Variants in DLG2 observed in about 807,000 individuals in gnomAD.
DLG2 encodes the protein discs large MAGUK scaffold protein 2.
In DLG2, 45 loss-of-function variants were observed where a neutral mutation model predicts 132.5. That is an observed-to-expected ratio of 0.34 (90% CI 0.27 to 0.44). The LOEUF (loss-of-function observed/expected upper bound fraction) is 0.44, where lower values mean the gene tolerates loss of function less well. DLG2 is among the 20% of genes least tolerant of loss of function. The pLI, the probability that DLG2 is intolerant of heterozygous loss-of-function variation, is 1.00. For missense variants in DLG2, 1,045 were observed against 1,196.9 expected, an observed-to-expected ratio of 0.87 and a Z score of 1.87; for synonymous variants, 424 against 419.6, an observed-to-expected ratio of 1.01 and a Z score of -0.13.
intron 3 of DLG2, among the ~76,000 whole-genome samples, chr11:85,431,564 C>G (rs984804099): frequency 1.3e-5 from 2 of 152,242 alleles, no homozygotes; most frequent in African/African-American, 4.8e-5. Flanking sequence ...CTGCTGCCTG[C>G]TGGCTAAGCC....
chr11:83,802,397 C>G (rs763677464), intron 17 of DLG2, among the ~76,000 whole-genome samples: 17 of 152,208 alleles, frequency 1.1e-4, no homozygotes, highest in South Asian at 4.2e-4. Context: ...GCTAGGCTGA[C>G]AGATTCCCTT....
At chr11:84,899,434 A>C (rs1214344278) in intron 6 of DLG2, among the ~76,000 whole-genome samples, 1 of 152,040 alleles carries the variant, frequency 6.6e-6, no homozygotes, top group Non-Finnish European at 1.5e-5. Flanking sequence ...AAATGTTGGT[A>C]ATCTCACTTG....
chr11:85,266,124 G>T (rs567546613), intron 4 of DLG2, among the ~76,000 whole-genome samples: 143 of 152,344 alleles, frequency 9.4e-4, no homozygotes, highest in Admixed American at 5.6e-3. Flanking sequence ...GTAGCTAAGA[G>T]ATCATTGTAG....
At chr11:84,319,460 A>C (rs2098390859) in intron 7 of DLG2, among the ~76,000 whole-genome samples, 1 of 152,208 alleles carries the variant, frequency 6.6e-6, no homozygotes, top group African/African-American at 2.4e-5. Context: ...ATCATTGCAC[A>C]AGGGCCCATT....
At chr11:85,419,297 T>C (rs2090111553) in intron 3 of DLG2, among the ~76,000 whole-genome samples, 1 of 152,216 alleles carries the variant, frequency 6.6e-6, no homozygotes, top group Non-Finnish European at 1.5e-5. Context: ...GATCTGATGT[T>C]AGTCTGATGA....
intron 6 of DLG2, among the ~76,000 whole-genome samples, chr11:84,746,695 T>G (rs1290212038): frequency 6.6e-6 from 1 of 152,238 alleles, no homozygotes; most frequent in Non-Finnish European, 1.5e-5. Context: ...TTTGATGTTT[T>G]GGTTGCAAGA....
At chr11:83,804,023 C>T (rs1026852624) in intron 17 of DLG2, among the ~76,000 whole-genome samples, 7 of 152,110 alleles carry the variant, frequency 4.6e-5, no homozygotes, top group Non-Finnish European at 7.4e-5. Context: ...CCCATAATTA[C>T]ATCTTAGTAT....
intron 7 of DLG2, among the ~76,000 whole-genome samples, chr11:84,375,188 T>G (rs989369917): frequency 6.6e-6 from 1 of 152,180 alleles, no homozygotes; most frequent in South Asian, 2.1e-4. Context: ...ATTAACTGAT[T>G]ATGTGAATAA....
chr11:84,332,395 A>G (rs769026799), intron 7 of DLG2, among the ~76,000 whole-genome samples: 2 of 151,196 alleles, frequency 1.3e-5, no homozygotes, highest in Non-Finnish European at 2.9e-5. Context: ...TACTTTTAGT[A>G]GAGACGGGGT....
At chr11:84,381,306 G>T (rs935224076) in intron 7 of DLG2, among the ~76,000 whole-genome samples, 2 of 140,464 alleles carry the variant, frequency 1.4e-5, no homozygotes, top group Admixed American at 6.7e-5. Context: ...TAACCAAGAG[G>T]TGAAAAATTT....
At chr11:84,734,717 G>T (rs2063600573) in intron 6 of DLG2, among the ~76,000 whole-genome samples, 1 of 152,138 alleles carries the variant, frequency 6.6e-6, no homozygotes, top group Non-Finnish European at 1.5e-5. Flanking sequence ...TCTTGTGCCA[G>T]TTTTCAAAGG....
intron 11 of DLG2, among the ~76,000 whole-genome samples, chr11:83,994,278 G>T (rs975835373): frequency 6.6e-6 from 1 of 152,176 alleles, no homozygotes; most frequent in Non-Finnish European, 1.5e-5. Context: ...CAAATATGTT[G>T]TAGGAATATC....
chr11:84,924,024 T>C (rs778272738), intron 6 of DLG2, among the ~76,000 whole-genome samples: 1 of 151,784 alleles, frequency 6.6e-6, no homozygotes, highest in Non-Finnish European at 1.5e-5. Context: ...CTGCTGAATG[T>C]AAAATGTTCA....
intron 6 of DLG2, among the ~76,000 whole-genome samples, chr11:84,551,250 T>A (rs1322263307): frequency 2.0e-5 from 3 of 152,242 alleles, no homozygotes; most frequent in Admixed American, 6.5e-5. Context: ...GGTTTAAATA[T>A]TCTCCAAATA....
intron 7 of DLG2, among the ~76,000 whole-genome samples, chr11:84,524,846 ATTTC>A (rs1201206327): frequency 3.4e-5 from 5 of 147,292 alleles, no homozygotes; most frequent in South Asian, 2.2e-4. Context: ...CTCATAGGGT[ATTTC>A]TTTTTTTTTT....
At chr11:83,843,026 AC>A (rs1170173330) in intron 16 of DLG2, among the ~76,000 whole-genome samples, 9 of 152,182 alleles carry the variant, frequency 5.9e-5, no homozygotes, top group Admixed American at 5.9e-4. Context: ...AACATATCTT[AC>A]CATGTTTCTC....
intron 3 of DLG2, among the ~76,000 whole-genome samples, chr11:85,597,430 A>G (rs1438199486): frequency 6.6e-6 from 1 of 152,042 alleles, no homozygotes; most frequent in Non-Finnish European, 1.5e-5. Flanking sequence ...TTTGCTGAAT[A>G]TAAGGTTTAT....
chr11:84,289,634 TAC>T (rs2097958543), intron 7 of DLG2, among the ~76,000 whole-genome samples: 1 of 152,136 alleles, frequency 6.6e-6, no homozygotes, highest in African/African-American at 2.4e-5. Context: ...CCTTTAAAGC[TAC>T]AGTCTAACCT....
In DLG2 at chr11:84,520,069, C is replaced by T. The variant is rs558185003; in HGVS notation, c.519+14501G>A. On this transcript the variant is annotated intron_variant, in intron 7 of 27. Coordinates refer to ENST00000376104, the MANE Select transcript of DLG2 (RefSeq NM_001142699.3). ...ACAATATCTCATTGAAGATTTTCTACCTTTTGCTTGAATACCTCCAATGAC... is the reference window on the plus strand; with the variant it reads ...ACAATATCTCATTGAAGATTTTCTATCTTTTGCTTGAATACCTCCAATGAC... Among the ~76,000 whole-genome samples the T allele has an allele frequency of 8.1e-4, 123 of 152,250 alleles. 1 individual carries two copies. Among genetic ancestry groups the T allele is most frequent in the African/African-American group, 2.7e-3 (111 of 41,548 alleles).
Sources: gnomAD v4.1 joint callset for allele counts (sites outside exome capture counted in the v4.1 genomes callset) on GRCh38, gnomAD v4.1.1 for gene constraint, MANE v1.5 for transcripts, NCBI Gene and HGNC (gene_info 2026-07-23, HGNC 2026-07-21) for gene names.